The following ARHGEF38 variants were observed in gnomAD, a reference collection of about 807,000 sequenced individuals.
ARHGEF38 encodes Rho guanine nucleotide exchange factor (GEF) 38.
A neutral mutation model predicts 79.9 loss-of-function variants in ARHGEF38; 79 were observed. The ratio of observed to expected loss-of-function variants is 0.99; its 90% CI spans 0.82 to 1.19. ARHGEF38 has a LOEUF of 1.19. ARHGEF38 is among the 50% of genes most tolerant of loss of function. The pLI is 0.00. For synonymous variants in ARHGEF38, 366 were observed against 328.3 expected (o/e 1.11, Z -1.24); for missense variants, 962 against 907.2 (o/e 1.06, Z -0.78).
At position 105,678,246 on chromosome 4, in the gene ARHGEF38, G is replaced by T; in HGVS notation, c.*309G>T. 1 of 222,170 alleles carries T rather than the reference G, an allele frequency of 4.5e-6. No individual in the cohort carries two copies. Among genetic ancestry groups the T allele is most frequent in the Non-Finnish European group, 8.7e-6 (1 of 114,314 alleles). 13.8% of individuals were successfully genotyped at this position (222,170 alleles called of 1,614,324 possible). A position where few individuals can be genotyped will look rare whatever the true frequency, so the allele number is the denominator to read the frequency against. On this transcript the variant is annotated 3_prime_UTR_variant, in exon 14 of 14. Transcript: ENST00000420470. ...TTATATTCTTTTATCATCAAGAAAG[G>T]TTGGATCCAAAGGTTTTTCAATTTA...
chr4:105,664,780 G>T (rs906882249), intron 10 of ARHGEF38, among the ~76,000 whole-genome samples: 1 of 152,176 alleles, frequency 6.6e-6, no homozygotes, highest in African/African-American at 2.4e-5. Flanking sequence ...AGAAATATGG[G>T]GAGGGAGCAG....
Position 105,659,342 on chromosome 4 carries a change from C to A in ARHGEF38, c.1522C>A (p.Gln508Lys). The change falls in exon 10 of 14, where the codon CAG becomes AAG. Residue 508 changes from glutamine to lysine, a missense_variant. By Grantham distance (53) the Gln-to-Lys change is moderately conservative. Coordinates refer to ENST00000420470, the MANE Select transcript of ARHGEF38 (RefSeq NM_001242729.2). ...TAGGGACCTGATGCTCGTGGCACAGCAGGCTTACTCCACACTTGTGCCGGT... is the reference window on the plus strand; with the variant it reads ...TAGGGACCTGATGCTCGTGGCACAGAAGGCTTACTCCACACTTGTGCCGGT... ...LLRDLMLVAQ[Q>K]AYSTLVPMPL... is the part of the protein sequence containing the mutation. The A allele has an allele frequency of 2.0e-6, 3 of 1,535,054 alleles. No individual in the cohort carries two copies. The highest frequency in any genetic ancestry group is 2.6e-6 in the Non-Finnish European group (3 of 1,146,694).
intron 1 of ARHGEF38, among the ~76,000 whole-genome samples, chr4:105,576,404 CTTCT>C (rs1286142841): frequency 4.7e-5 from 5 of 107,318 alleles, no homozygotes; most frequent in African/African-American, 6.4e-5. Flanking sequence ...ATTTTCTTTT[CTTCT>C]TTTTTTTTTT....
At chr4:105,644,498 G>A (rs189376887) in intron 5 of ARHGEF38, among the ~76,000 whole-genome samples, 23 of 152,298 alleles carry the variant, frequency 1.5e-4, no homozygotes, top group African/African-American at 4.1e-4. Context: ...CTCCAACTTC[G>A]TCTCAGAAGC....
chr4:105,568,863 G>A lies in ARHGEF38; in HGVS notation c.196+15902G>A, dbSNP rs113656961. Among the ~76,000 whole-genome samples the A allele has an allele frequency of 1.2e-3, 187 of 152,320 alleles. 1 individual carries two copies. Among genetic ancestry groups the A allele is most frequent in the Non-Finnish European group, 2.2e-3 (151 of 68,020 alleles). ...TACATACTGCATTTTGTTTATAAAA[G>A]TGCATATTCCTGAAAATTATTTTTA... On this transcript the variant is annotated intron_variant, in intron 1 of 13. Coordinates refer to ENST00000420470, the MANE Select transcript of ARHGEF38 (RefSeq NM_001242729.2).
chr4:105,646,875 G>T (rs1170451017), intron 6 of ARHGEF38, among the ~76,000 whole-genome samples: 3 of 151,716 alleles, frequency 2.0e-5, no homozygotes, highest in African/African-American at 2.4e-5. Flanking sequence ...AAGAATATGT[G>T]CAATATGATA....
chr4:105,661,532 T>A (rs1730564591), intron 10 of ARHGEF38, among the ~76,000 whole-genome samples: 1 of 150,034 alleles, frequency 6.7e-6, no homozygotes, highest in Non-Finnish European at 1.5e-5. Context: ...ATAGCTATCC[T>A]AATGGGTGTG....
chr4:105,591,475 C>T (rs58559365), intron 2 of ARHGEF38, among the ~76,000 whole-genome samples: 1,599 of 152,234 alleles, frequency 0.011, 29 homozygotes, highest in African/African-American at 0.036. Flanking sequence ...GTGATCCACC[C>T]GACTTGGCCT....
chr4:105,616,724 C>T lies in ARHGEF38; in HGVS notation c.508+3217C>T, dbSNP rs188200756. On this transcript the variant is annotated intron_variant, in intron 3 of 13. Coordinates refer to ENST00000420470, the MANE Select transcript of ARHGEF38 (RefSeq NM_001242729.2). ...TGCTGAGCCTATAACACACAAAATA[C>T]CATCCATCAAAGGGTCCTCAATGCT... 1.5e-3 allele frequency among the ~76,000 whole-genome samples: 233 copies of T among 152,172 alleles called. 1 individual carries two copies. The highest frequency in any genetic ancestry group is 6.8e-3 in the Middle Eastern group (2 of 294).
chr4:105,563,303 A>T (rs1008629102), intron 1 of ARHGEF38: 8 of 152,156 alleles, frequency 5.3e-5, no homozygotes, highest in Admixed American at 5.2e-4. Flanking sequence ...TCCAATTAGG[A>T]CTTTTAGGGG....
At chr4:105,600,907 T>C (rs1727793392) in intron 2 of ARHGEF38, among the ~76,000 whole-genome samples, 1 of 152,182 alleles carries the variant, frequency 6.6e-6, no homozygotes, top group African/African-American at 2.4e-5. Flanking sequence ...CTTCAAAATT[T>C]ATCCAGAATT....
At chr4:105,558,133 C>CTTTGTATAAAG (rs1192422377) in intron 1 of ARHGEF38, among the ~76,000 whole-genome samples, 1 of 152,134 alleles carries the variant, frequency 6.6e-6, no homozygotes, top group Non-Finnish European at 1.5e-5. Context: ...ATGAACCACC[C>CTTTGTATAAAG]TACTGTATGA....
Position 105,640,517 on chromosome 4 carries a change from G to A in ARHGEF38, c.674+4097G>A, listed in dbSNP as rs552834676. ...AAAAGAGCCCCTTCCAGAGTCTCCA[G>A]TCCAGTTGGACTGGTGACACCAGGT... On this transcript the variant is annotated intron_variant, in intron 5 of 13. Transcript: ENST00000420470. 2.0e-5 allele frequency among the ~76,000 whole-genome samples: 3 copies of A among 152,146 alleles called. No homozygotes were observed. The South Asian group carries it at 6.2e-4, about 32-fold the overall frequency.
chr4:105,666,376 G>A (rs1326000315), intron 11 of ARHGEF38, 56 bp downstream of exon 11: 56 of 1,432,748 alleles, frequency 3.9e-5, no homozygotes, highest in Non-Finnish European at 5.1e-5. Flanking sequence ...CCTTATCCAA[G>A]TTGTAGTATC....
At chr4:105,603,763 G>A (rs1221485572) in intron 2 of ARHGEF38, among the ~76,000 whole-genome samples, 1 of 152,078 alleles carries the variant, frequency 6.6e-6, no homozygotes, top group Non-Finnish European at 1.5e-5. Flanking sequence ...AGAACTGTGG[G>A]AGTACAGATT....
chr4:105,598,773 A>G (rs1392601153), intron 2 of ARHGEF38, among the ~76,000 whole-genome samples: 1 of 152,086 alleles, frequency 6.6e-6, no homozygotes, highest in African/African-American at 2.4e-5. Flanking sequence ...AAGGCCAGAT[A>G]CCTGAGGTCT....
At chr4:105,568,824 T>G (rs920714808) in intron 1 of ARHGEF38, among the ~76,000 whole-genome samples, 4 of 152,184 alleles carry the variant, frequency 2.6e-5, no homozygotes, top group Admixed American at 1.3e-4. Context: ...GTTAGCAGCA[T>G]GAGAACAAAC....
At chr4:105,656,045 G>T (rs1006288947) in intron 9 of ARHGEF38, among the ~76,000 whole-genome samples, 17 of 152,082 alleles carry the variant, frequency 1.1e-4, no homozygotes, top group Admixed American at 6.6e-4. Flanking sequence ...AGAAAGCTTT[G>T]CTTTTCTTTT....
intron 10 of ARHGEF38, among the ~76,000 whole-genome samples, chr4:105,665,651 G>A: frequency 6.6e-6 from 1 of 152,046 alleles, no homozygotes; most frequent in East Asian, 1.9e-4. Flanking sequence ...GCCCAGGCTG[G>A]TCTCAAATTC....
Sources: gnomAD v4.1 joint callset for allele counts (sites outside exome capture counted in the v4.1 genomes callset) on GRCh38, gnomAD v4.1.1 for gene constraint, MANE v1.5 for transcripts, NCBI Gene and HGNC (gene_info 2026-07-23, HGNC 2026-07-21) for gene names.